The following GRID1 variants were observed in gnomAD, a reference collection of about 807,000 sequenced individuals.
The protein encoded by GRID1 is glutamate ionotropic receptor delta type subunit 1, also known as glutamate receptor ionotropic, delta-1.
In GRID1, 28 loss-of-function variants were observed where a neutral mutation model predicts 98.0. The observed-to-expected ratio is 0.29, with a 90% CI of 0.21 to 0.39. The LOEUF is 0.39. Ranked by LOEUF, GRID1 falls within the 10% of genes least tolerant of loss-of-function variation. The probability of loss-of-function intolerance (pLI) is 1.00; values close to 1 mark genes in which losing one functional copy is unlikely to be tolerated. For synonymous variants in GRID1, 553 were observed against 538.5 expected, an observed-to-expected ratio of 1.03 and a Z score of -0.37; for missense variants, 1,111 against 1,340.5, an observed-to-expected ratio of 0.83 and a Z score of 2.67.
chr10:86,242,213 A>G (rs1589423584), intron 2 of GRID1, among the ~76,000 whole-genome samples: 1 of 152,204 alleles, frequency 6.6e-6, no homozygotes, highest in South Asian at 2.1e-4. Context: ...TTTACCAAGG[A>G]AAGAATAAGG....
At chr10:86,337,748 C>T (rs1375868895) in intron 2 of GRID1, among the ~76,000 whole-genome samples, 2 of 143,118 alleles carry the variant, frequency 1.4e-5, no homozygotes, top group South Asian at 2.2e-4. Flanking sequence ...TGCTCTATCC[C>T]CCAGGCTGGA....
intron 2 of GRID1, among the ~76,000 whole-genome samples, chr10:86,213,672 T>G (rs192225916): frequency 1.1e-3 from 170 of 152,128 alleles, no homozygotes; most frequent in African/African-American, 3.8e-3. Context: ...CACTGAACAC[T>G]AAGCCCGGCC....
intron 3 of GRID1, among the ~76,000 whole-genome samples, chr10:86,168,951 A>G (rs1345470168): frequency 6.6e-6 from 1 of 152,164 alleles, no homozygotes; most frequent in Non-Finnish European, 1.5e-5. Context: ...AATTGAAGCT[A>G]GAAAGGGGAC....
At chr10:85,632,774 T>C (rs1278005236) in intron 13 of GRID1, among the ~76,000 whole-genome samples, 1 of 152,170 alleles carries the variant, frequency 6.6e-6, no homozygotes, top group Non-Finnish European at 1.5e-5. Context: ...GATGTGCAGG[T>C]TTGTTACATA....
At chr10:86,229,289 G>T (rs1165023486) in intron 2 of GRID1, among the ~76,000 whole-genome samples, 1 of 152,116 alleles carries the variant, frequency 6.6e-6, no homozygotes, top group African/African-American at 2.4e-5. Context: ...AGCAGCTAAG[G>T]CACCTGCTGG....
intron 4 of GRID1, among the ~76,000 whole-genome samples, chr10:85,992,761 G>A (rs1416980430): frequency 6.6e-6 from 1 of 152,100 alleles, no homozygotes; most frequent in East Asian, 1.9e-4. Context: ...ACCAGCCTAG[G>A]TAACATAGTG....
At chr10:85,897,688 G>A (rs1841312839) in intron 5 of GRID1, among the ~76,000 whole-genome samples, 1 of 152,126 alleles carries the variant, frequency 6.6e-6, no homozygotes, top group Admixed American at 6.5e-5. Flanking sequence ...TTGTGGATTG[G>A]TTAAATCAAG....
intron 4 of GRID1, among the ~76,000 whole-genome samples, chr10:86,020,760 A>C (rs1161221567): frequency 1.3e-5 from 2 of 152,212 alleles, no homozygotes; most frequent in Non-Finnish European, 2.9e-5. Context: ...CCACAGGATA[A>C]GGCCTCCCTG....
At chr10:85,910,570 TG>T (rs2131821119) in intron 5 of GRID1, among the ~76,000 whole-genome samples, 1 of 152,242 alleles carries the variant, frequency 6.6e-6, no homozygotes, top group Non-Finnish European at 1.5e-5. Flanking sequence ...AGATGGGGGC[TG>T]GGGCCTGAGA....
At chr10:85,928,326 G>A (rs910561277) in intron 4 of GRID1, among the ~76,000 whole-genome samples, 1 of 152,234 alleles carries the variant, frequency 6.6e-6, no homozygotes, top group African/African-American at 2.4e-5. Flanking sequence ...AAGTTTGGGA[G>A]AGATGAGTAA....
chr10:85,806,419 T>C (rs1842623509), intron 8 of GRID1, among the ~76,000 whole-genome samples: 1 of 152,120 alleles, frequency 6.6e-6, no homozygotes. Flanking sequence ...ACTGTGTTCT[T>C]AGACTATGGC....
intron 12 of GRID1, among the ~76,000 whole-genome samples, chr10:85,660,202 A>G (rs1240747908): frequency 1.3e-5 from 2 of 152,246 alleles, no homozygotes; most frequent in African/African-American, 4.8e-5. Flanking sequence ...GGGGGCATCA[A>G]TGGGAGCCCA....
At chr10:86,245,010 C>T (rs537571178) in intron 2 of GRID1, among the ~76,000 whole-genome samples, 6 of 152,324 alleles carry the variant, frequency 3.9e-5, no homozygotes, top group African/African-American at 1.4e-4. Flanking sequence ...AGGCTTGATG[C>T]TACCCAGGGT....
chr10:86,310,600 T>C (rs1847819423), intron 2 of GRID1, among the ~76,000 whole-genome samples: 1 of 152,144 alleles, frequency 6.6e-6, no homozygotes, highest in Non-Finnish European at 1.5e-5. Context: ...AAGGCATATA[T>C]CTACCTGGTC....
chr10:85,720,633 CA>C lies in GRID1; in HGVS notation c.1997+2369del, dbSNP rs1178857868. On this transcript the variant is annotated intron_variant, in intron 12 of 15. Coordinates refer to ENST00000327946, the MANE Select transcript of GRID1 (RefSeq NM_017551.3). The stretch of plus-strand genomic sequence containing the variant: ...GCATCCATAGACCAAAACAAACAGA[CA>C]AAAAAAAAAAAGAAAGAAAGAAAGA... Among the ~76,000 whole-genome samples, 548 of 78,960 alleles carry C rather than the reference CA, an allele frequency of 6.9e-3. 1 individual carries two copies. The highest frequency in any genetic ancestry group is 0.011 in the African/African-American group (293 of 27,422). The allele number at this position is 78,960 out of a possible 152,430, so 51.8% of individuals were successfully genotyped here.
intron 3 of GRID1, among the ~76,000 whole-genome samples, chr10:86,155,451 A>G (rs1156414634): frequency 6.6e-6 from 1 of 152,274 alleles, no homozygotes; most frequent in Non-Finnish European, 1.5e-5. Context: ...CATTGCAATT[A>G]TAGTGATTTC....
chr10:86,008,192 C>T (rs1674494960), intron 4 of GRID1, among the ~76,000 whole-genome samples: 1 of 152,090 alleles, frequency 6.6e-6, no homozygotes, highest in African/African-American at 2.4e-5. Flanking sequence ...GTGGTGGAAG[C>T]CAGAGTGAGC....
chr10:85,632,544 C>T (rs1237942485), intron 13 of GRID1, among the ~76,000 whole-genome samples: 1 of 152,100 alleles, frequency 6.6e-6, no homozygotes, highest in Non-Finnish European at 1.5e-5. Flanking sequence ...CCTTTGAGAA[C>T]TACACTGTTA....
intron 2 of GRID1, among the ~76,000 whole-genome samples, chr10:86,213,928 C>T (rs1846141362): frequency 6.6e-6 from 1 of 152,172 alleles, no homozygotes; most frequent in African/African-American, 2.4e-5. Context: ...GCACCCAAGC[C>T]ACCACCAGGC....
Sources: allele counts gnomAD v4.1 joint callset (sites outside exome capture counted in the v4.1 genomes callset), GRCh38; gene constraint gnomAD v4.1.1; transcripts MANE v1.5; gene names NCBI Gene and HGNC (gene_info 2026-07-23, HGNC 2026-07-21).